The following TSNARE1 variants were observed in gnomAD, a reference collection of about 807,000 sequenced individuals.
TSNARE1 encodes t-SNARE domain-containing protein 1.
A neutral mutation model predicts 62.0 loss-of-function variants in TSNARE1; 49 were observed. The observed-to-expected ratio is 0.79, with a 90% confidence interval of 0.63 to 1.00. The LOEUF (loss-of-function observed/expected upper bound fraction) is 1.00, where lower values mean the gene tolerates loss of function less well. TSNARE1 is among the 50% of genes least tolerant of loss of function. TSNARE1 has a pLI of 0.00. For missense variants in TSNARE1, 755 were observed against 700.1 expected (o/e 1.08, Z -0.88); for synonymous variants, 328 against 294.4 (o/e 1.11, Z -1.17).
intron 12 of TSNARE1, among the ~76,000 whole-genome samples, chr8:142,251,423 T>C (rs73364669): frequency 0.067 from 10,097 of 150,634 alleles, 437 homozygotes; most frequent in African/African-American, 0.12. Context: ...GTGGCCCTGC[T>C]GCTCATGCCC....
At chr8:142,233,295 A>G (rs564420728) in intron 12 of TSNARE1, among the ~76,000 whole-genome samples, 2 of 152,326 alleles carry the variant, frequency 1.3e-5, no homozygotes, top group Non-Finnish European at 1.5e-5. Flanking sequence ...CCCCTTTTAC[A>G]GATGGGAGGG....
intron 1 of TSNARE1, among the ~76,000 whole-genome samples, chr8:142,392,485 C>T (rs1271012713): frequency 1.3e-5 from 2 of 152,254 alleles, no homozygotes; most frequent in Non-Finnish European, 2.9e-5. Context: ...CAGCTCTCCA[C>T]ACACACGTGA....
intron 9 of TSNARE1, among the ~76,000 whole-genome samples, chr8:142,311,747 T>A (rs1827658608): frequency 6.6e-6 from 1 of 152,212 alleles, no homozygotes; most frequent in Non-Finnish European, 1.5e-5. Flanking sequence ...CATCTAGGAC[T>A]CTATATTCTT....
At chr8:142,303,427 C>T (rs1023085661) in intron 9 of TSNARE1, among the ~76,000 whole-genome samples, 2 of 152,214 alleles carry the variant, frequency 1.3e-5, no homozygotes, top group African/African-American at 4.8e-5. Flanking sequence ...CCCGAGAACC[C>T]TCTCTTGGCC....
chr8:142,344,570 C>T, intron 3 of TSNARE1, 98 bp from the exon 4 acceptor site: 1 of 1,267,828 alleles, frequency 7.9e-7, no homozygotes, highest in Non-Finnish European at 1.0e-6. Context: ...CTGGTTTCTG[C>T]TTCAGGACAC....
At position 142,304,869 on chromosome 8, in the gene TSNARE1, T is replaced by A. The variant is rs547913230; in HGVS notation, c.1132-4225A>T. Among the ~76,000 whole-genome samples the A allele has an allele frequency of 3.9e-5, 6 of 152,308 alleles. No individual in the cohort carries two copies. In the East Asian group the frequency reaches 1.2e-3, roughly 29 times the overall value. On this transcript the variant is annotated intron_variant, in intron 9 of 13. Coordinates refer to ENST00000524325, the MANE Select transcript of TSNARE1 (RefSeq NM_145003.5). ...CCATACACGCCCCTGGAGAGCGGCA[T>A]GACGGTTGAGCACAGCCTCCTCCTG... is the stretch of plus-strand genomic sequence containing the variant.
chr8:142,273,077 G>C, intron 12 of TSNARE1: 1 of 985,412 alleles, frequency 1.0e-6, no homozygotes, highest in Non-Finnish European at 1.2e-6. Context: ...GTGTGTCGGG[G>C]GGGCGGTGCC....
At chr8:142,400,951 T>C (rs1034312960) in intron 1 of TSNARE1, among the ~76,000 whole-genome samples, 10 of 152,194 alleles carry the variant, frequency 6.6e-5, no homozygotes, top group Middle Eastern at 3.2e-3. Context: ...GGAGGTGCTG[T>C]GACCAGTATC....
At chr8:142,312,346 G>GA (rs1474213582) in intron 9 of TSNARE1, among the ~76,000 whole-genome samples, 7 of 152,176 alleles carry the variant, frequency 4.6e-5, no homozygotes, top group African/African-American at 1.7e-4. Context: ...TGTTACCTAT[G>GA]ATGCCTGATG....
At chr8:142,355,098 G>A (rs997992578) in intron 1 of TSNARE1, among the ~76,000 whole-genome samples, 8 of 152,216 alleles carry the variant, frequency 5.3e-5, no homozygotes, top group African/African-American at 1.9e-4. Flanking sequence ...AGCCTCCCAG[G>A]TGGCTTCTGG....
chr8:142,296,573 G>T (rs1287913061), intron 10 of TSNARE1, among the ~76,000 whole-genome samples: 1 of 152,028 alleles, frequency 6.6e-6, no homozygotes, highest in Non-Finnish European at 1.5e-5. Flanking sequence ...CCAGGCTCTG[G>T]GGATGGGGCT....
chr8:142,288,036 T>A (rs1382156693), intron 10 of TSNARE1, among the ~76,000 whole-genome samples: 1 of 152,224 alleles, frequency 6.6e-6, no homozygotes, highest in Non-Finnish European at 1.5e-5. Flanking sequence ...CTGCTTCCCA[T>A]GAGCAGGGGC....
At chr8:142,288,067 T>G (rs916436337) in intron 10 of TSNARE1, among the ~76,000 whole-genome samples, 1 of 152,260 alleles carries the variant, frequency 6.6e-6, no homozygotes, top group African/African-American at 2.4e-5. Flanking sequence ...CACACTGGCA[T>G]GATGCTGCTG....
intron 1 of TSNARE1, among the ~76,000 whole-genome samples, chr8:142,373,394 C>T (rs1300003303): frequency 2.6e-5 from 4 of 152,178 alleles, no homozygotes; most frequent in African/African-American, 7.2e-5. Flanking sequence ...GCTGGGAAAA[C>T]ACCCACAGGG....
intron 4 of TSNARE1, among the ~76,000 whole-genome samples, chr8:142,342,600 C>T (rs917179420): frequency 1.1e-4 from 16 of 152,248 alleles, no homozygotes; most frequent in African/African-American, 3.9e-4. Context: ...CCGCCCTCCT[C>T]TTCCAGATCT....
chr8:142,264,355 A>G (rs1363925518), intron 12 of TSNARE1, among the ~76,000 whole-genome samples: 4 of 152,240 alleles, frequency 2.6e-5, no homozygotes, highest in African/African-American at 9.6e-5. Flanking sequence ...GACCTAGTCC[A>G]TGGTCAAAAT....
intron 10 of TSNARE1, among the ~76,000 whole-genome samples, chr8:142,287,991 C>G (rs1009528137): frequency 5.3e-5 from 8 of 152,234 alleles, no homozygotes; most frequent in African/African-American, 1.9e-4. Flanking sequence ...CAGCCACCAG[C>G]ATGGGATGGG....
At chr8:142,378,118 C>G (rs537881336) in intron 1 of TSNARE1, among the ~76,000 whole-genome samples, 1 of 152,378 alleles carries the variant, frequency 6.6e-6, no homozygotes, top group East Asian at 1.9e-4. Context: ...CCCAAGACCC[C>G]GTACACCATG....
chr8:142,329,701 G>A (rs1262363370), intron 6 of TSNARE1, among the ~76,000 whole-genome samples: 3 of 152,184 alleles, frequency 2.0e-5, no homozygotes, highest in Non-Finnish European at 4.4e-5. Context: ...GTGCAAATAC[G>A]CGTGGGTGTG....
Sources: gnomAD v4.1 joint callset for allele counts (sites outside exome capture counted in the v4.1 genomes callset) on GRCh38, gnomAD v4.1.1 for gene constraint, MANE v1.5 for transcripts, NCBI Gene and HGNC (gene_info 2026-07-23, HGNC 2026-07-21) for gene names.